Variants in GRHL2 observed in about 807,000 individuals in gnomAD.
GRHL2 encodes the protein grainyhead like transcription factor 2, also known as grainyhead-like protein 2 homolog.
A neutral mutation model predicts 83.8 loss-of-function variants in GRHL2; 21 were observed. The observed-to-expected ratio is 0.25, with a 90% CI of 0.18 to 0.36. The LOEUF (loss-of-function observed/expected upper bound fraction) is 0.36. Ranked by LOEUF, GRHL2 falls within the 10% of genes least tolerant of loss-of-function variation. The probability of loss-of-function intolerance (pLI) is 1.00; values close to 1 mark genes in which losing one functional copy is unlikely to be tolerated. For synonymous variants in GRHL2, 280 were observed against 278.9 expected (o/e 1.00, Z -0.04); for missense variants, 623 against 781.8 (o/e 0.80, Z 2.42).
intron 2 of GRHL2, among the ~76,000 whole-genome samples, chr8:101,545,187 G>C (rs1811235154): frequency 6.6e-6 from 1 of 152,142 alleles, no homozygotes; most frequent in South Asian, 2.1e-4. Flanking sequence ...AGAAGTGCTA[G>C]AGAAATATAT....
chr8:101,554,375 T>C (rs548182916), intron 3 of GRHL2, among the ~76,000 whole-genome samples: 1 of 152,354 alleles, frequency 6.6e-6, no homozygotes, highest in Admixed American at 6.5e-5. Context: ...GCCAGAATTA[T>C]AGCAGGATCA....
intron 1 of GRHL2, among the ~76,000 whole-genome samples, chr8:101,524,212 A>G (rs1229240120): frequency 6.6e-6 from 1 of 152,208 alleles, no homozygotes. Flanking sequence ...TTCAGAAGAG[A>G]ATTGTCACAT....
chr8:101,504,681 T>G (rs1810299778), intron 1 of GRHL2, among the ~76,000 whole-genome samples: 1 of 152,022 alleles, frequency 6.6e-6, no homozygotes, highest in Admixed American at 6.5e-5. Flanking sequence ...ATATTTTTTT[T>G]AGAGTATAGA....
intron 9 of GRHL2, among the ~76,000 whole-genome samples, chr8:101,622,295 G>A (rs1319522841): frequency 5.3e-5 from 8 of 152,138 alleles, no homozygotes; most frequent in African/African-American, 1.7e-4. Flanking sequence ...GAAGTATAAA[G>A]ACTGCAGGCA....
Position 101,528,764 on chromosome 8 carries a change from C to A in GRHL2, c.21-14477C>A, listed in dbSNP as rs1387204351. ...GAACCAGTGATAATCCCAAATCAGT[C>A]CTTCCTCCTTTTCAGTTTCTCATCA... On this transcript the variant is annotated intron_variant, in intron 1 of 15. Coordinates refer to ENST00000646743, the MANE Select transcript of GRHL2 (RefSeq NM_024915.4). 2.6e-5 allele frequency: 8 copies of A among 304,078 alleles called. No homozygotes were observed. In the South Asian group the frequency reaches 2.8e-4, roughly 10 times the overall value. The allele number at this position is 304,078 out of a possible 1,614,324, so 18.8% of individuals were successfully genotyped here.
At position 101,518,846 on chromosome 8, in the gene GRHL2, T is replaced by C. The variant is rs546629782; in HGVS notation, c.21-24395T>C. The stretch of plus-strand genomic sequence containing the variant: ...TGTTGTCTACTCCTTTGGGCTTCTG[T>C]CCATGTTGGGAGGATATTAGCAAGC... On this transcript the variant is annotated intron_variant, in intron 1 of 15. Coordinates refer to ENST00000646743, the MANE Select transcript of GRHL2 (RefSeq NM_024915.4). Among the ~76,000 whole-genome samples, 4 of 152,346 alleles carry C rather than the reference T, an allele frequency of 2.6e-5. No individual in the cohort carries two copies. In the East Asian group the frequency reaches 7.7e-4, roughly 29 times the overall value.
At chr8:101,645,822 C>T (rs1813501411) in intron 13 of GRHL2, among the ~76,000 whole-genome samples, 1 of 152,178 alleles carries the variant, frequency 6.6e-6, no homozygotes, top group African/African-American at 2.4e-5. Context: ...ATGGAAACAG[C>T]ATAAATGCAT....
intron 14 of GRHL2, among the ~76,000 whole-genome samples, chr8:101,656,834 CTGTCTGTG>C (rs903844261): frequency 2.7e-5 from 4 of 148,794 alleles, no homozygotes; most frequent in Non-Finnish European, 5.9e-5. Flanking sequence ...GTTCATGTGT[CTGTCTGTG>C]TGTCTGTTAG....
At chr8:101,528,352 T>C (rs1810849312) in intron 1 of GRHL2, among the ~76,000 whole-genome samples, 2 of 152,194 alleles carry the variant, frequency 1.3e-5, no homozygotes, top group African/African-American at 4.8e-5. Context: ...TAACTTGTTT[T>C]GTGGTTCTTG....
intron 8 of GRHL2, among the ~76,000 whole-genome samples, chr8:101,602,181 G>T (rs1435668253): frequency 2.0e-5 from 3 of 151,952 alleles, no homozygotes; most frequent in Non-Finnish European, 2.9e-5. Context: ...TTTTGTCTGC[G>T]GAGCCTAAGG....
intron 12 of GRHL2, among the ~76,000 whole-genome samples, chr8:101,643,802 T>A (rs562649338): frequency 3.5e-4 from 54 of 152,358 alleles, no homozygotes; most frequent in African/African-American, 1.3e-3. Flanking sequence ...AGGGATTTAC[T>A]TCCCCCCAGC....
chr8:101,520,270 C>T (rs1048243979), intron 1 of GRHL2, among the ~76,000 whole-genome samples: 10 of 152,090 alleles, frequency 6.6e-5, no homozygotes, highest in African/African-American at 2.2e-4. Context: ...GACTGATTCA[C>T]GTAGTATGTG....
At chr8:101,603,084 C>T (rs1181578949) in intron 8 of GRHL2, among the ~76,000 whole-genome samples, 1 of 151,632 alleles carries the variant, frequency 6.6e-6, no homozygotes, top group Non-Finnish European at 1.5e-5. Context: ...AAAAAAAAAA[C>T]ACCAGAAACC....
At chr8:101,534,588 A>G (rs1811004218) in intron 1 of GRHL2, among the ~76,000 whole-genome samples, 1 of 152,098 alleles carries the variant, frequency 6.6e-6, no homozygotes, top group Non-Finnish European at 1.5e-5. Flanking sequence ...TCTAGGAGTC[A>G]AGGATCAATG....
At position 101,666,685 on chromosome 8, in the gene GRHL2, C is replaced by T; in HGVS notation, c.1860C>T (p.Val620=). ...AGAGCATGGTGGAGGGCTTCAAGGTCACGCTCATGGAAATCTAGCCCTGGG... is the reference window on the plus strand; with the variant it reads ...AGAGCATGGTGGAGGGCTTCAAGGTTACGCTCATGGAAATCTAGCCCTGGG... ...NMESMVEGFK[V]TLMEI is the part of the protein sequence containing the mutation. Residue 620 remains valine, a synonymous_variant, in exon 16 of 16, where the codon GTC becomes GTT. Coordinates refer to ENST00000646743, the MANE Select transcript of GRHL2 (RefSeq NM_024915.4). 5 of 1,611,060 alleles carry T rather than the reference C, an allele frequency of 3.1e-6. No individual in the cohort carries two copies. The highest frequency in any genetic ancestry group is 4.2e-6 in the Non-Finnish European group (5 of 1,177,248).
chr8:101,608,427 A>T (rs985687699), intron 8 of GRHL2, among the ~76,000 whole-genome samples: 5 of 152,156 alleles, frequency 3.3e-5, no homozygotes, highest in Non-Finnish European at 5.9e-5. Context: ...CAGGCGGTGG[A>T]GGGTCCTGAA....
chr8:101,523,493 G>T (rs760643270), intron 1 of GRHL2, among the ~76,000 whole-genome samples: 1 of 150,076 alleles, frequency 6.7e-6, no homozygotes, highest in African/African-American at 2.5e-5. Context: ...TTTTTTTTAA[G>T]GGGGGTGGGG....
chr8:101,539,483 G>T (rs1161180191), intron 1 of GRHL2, among the ~76,000 whole-genome samples: 1 of 152,140 alleles, frequency 6.6e-6, no homozygotes, highest in Non-Finnish European at 1.5e-5. Flanking sequence ...CGGTGACATT[G>T]TCACAGCCAG....
intron 4 of GRHL2, among the ~76,000 whole-genome samples, chr8:101,569,815 T>C (rs888395201): frequency 1.3e-5 from 2 of 152,234 alleles, no homozygotes; most frequent in African/African-American, 2.4e-5. Flanking sequence ...CTAATTATTA[T>C]AAATAGAAAT....
Sources: gnomAD v4.1 joint callset for allele counts (sites outside exome capture counted in the v4.1 genomes callset) on GRCh38, gnomAD v4.1.1 for gene constraint, MANE v1.5 for transcripts, NCBI Gene and HGNC (gene_info 2026-07-23, HGNC 2026-07-21) for gene names.